LRMDA: variants seen among roughly 807,000 people sequenced by gnomAD.
LRMDA encodes leucine rich melanocyte differentiation associated.
LRMDA carries 18 observed loss-of-function variants against 29.8 expected under a neutral mutation model. The observed-to-expected ratio is 0.60, with a 90% CI of 0.42 to 0.90. LRMDA has a LOEUF of 0.90. Ranked by LOEUF, LRMDA falls within the 40% of genes least tolerant of loss-of-function variation. The pLI is 0.00. For missense variants in LRMDA, 273 were observed against 273.9 expected (o/e 1.00, Z 0.02); for synonymous variants, 125 against 109.4 (o/e 1.14, Z -0.89).
chr10:76,216,035 C>T (rs983220739), intron 5 of LRMDA, among the ~76,000 whole-genome samples: 4 of 152,122 alleles, frequency 2.6e-5, no homozygotes, highest in Non-Finnish European at 5.9e-5. Context: ...AAGAAACTTG[C>T]TCATCAAAAA....
At chr10:75,749,816 G>C (rs1352677317) in intron 2 of LRMDA, among the ~76,000 whole-genome samples, 1 of 151,950 alleles carries the variant, frequency 6.6e-6, no homozygotes, top group African/African-American at 2.4e-5. Flanking sequence ...TTGAGATTAG[G>C]GAGTGGTGAT....
intron 6 of LRMDA, among the ~76,000 whole-genome samples, chr10:76,354,775 T>C (rs963039820): frequency 6.6e-6 from 1 of 152,224 alleles, no homozygotes; most frequent in African/African-American, 2.4e-5. Flanking sequence ...ACCAGGGTAT[T>C]TGTGATATTT....
chr10:75,619,654 C>G (rs1841155032), intron 2 of LRMDA, among the ~76,000 whole-genome samples: 1 of 152,168 alleles, frequency 6.6e-6, no homozygotes, highest in Non-Finnish European at 1.5e-5. Context: ...CGCAGTCTCT[C>G]TCTTCTGAAG....
intron 5 of LRMDA, among the ~76,000 whole-genome samples, chr10:76,253,482 GGAGA>G (rs148122483): frequency 6.7e-6 from 1 of 149,984 alleles, no homozygotes; most frequent in Non-Finnish European, 1.5e-5. Context: ...AGGCAGGGAG[GGAGA>G]GAGAGAGAGA....
chr10:76,258,831 G>A (rs897677373), intron 5 of LRMDA, among the ~76,000 whole-genome samples: 1 of 152,110 alleles, frequency 6.6e-6, no homozygotes, highest in African/African-American at 2.4e-5. Flanking sequence ...TCCATTGTGT[G>A]TATATATATC....
At chr10:76,553,747 TCA>T (rs1298578445) in intron 6 of LRMDA, among the ~76,000 whole-genome samples, 1 of 152,164 alleles carries the variant, frequency 6.6e-6, no homozygotes, top group Non-Finnish European at 1.5e-5. Context: ...GGGAGGAGAC[TCA>T]CAGAGGCAAT....
intron 2 of LRMDA, among the ~76,000 whole-genome samples, chr10:75,828,834 A>G (rs1447167648): frequency 6.6e-6 from 1 of 152,138 alleles, no homozygotes; most frequent in Non-Finnish European, 1.5e-5. Context: ...GTCCTCTTGA[A>G]TCTCTTTTTA....
intron 2 of LRMDA, among the ~76,000 whole-genome samples, chr10:75,960,642 C>T (rs1281672371): frequency 6.6e-6 from 1 of 152,106 alleles, no homozygotes; most frequent in African/African-American, 2.4e-5. Context: ...GAGATAGAGT[C>T]TCACTCTGTT....
chr10:76,331,799 A>C (rs995838957), intron 6 of LRMDA, among the ~76,000 whole-genome samples: 25 of 152,174 alleles, frequency 1.6e-4, no homozygotes, highest in African/African-American at 5.5e-4. Context: ...TCTTTCCTTC[A>C]TAATGCTTTT....
chr10:75,632,637 CT>C (rs1406175744), intron 2 of LRMDA, among the ~76,000 whole-genome samples: 1 of 151,990 alleles, frequency 6.6e-6, no homozygotes, highest in Non-Finnish European at 1.5e-5. Context: ...ATCAGATTTT[CT>C]TTTTTTCCCT....
At chr10:75,627,774 A>G (rs1589139388) in intron 2 of LRMDA, among the ~76,000 whole-genome samples, 1 of 152,332 alleles carries the variant, frequency 6.6e-6, no homozygotes, top group East Asian at 1.9e-4. Flanking sequence ...CAATCTGGGG[A>G]AGATATGAAC....
chr10:76,533,518 G>C (rs17467552), intron 6 of LRMDA, among the ~76,000 whole-genome samples: 1 of 151,970 alleles, frequency 6.6e-6, no homozygotes, highest in African/African-American at 2.4e-5. Context: ...ACAACTTGCT[G>C]TCATTCAGGA....
rs1287783071 is a variant in LRMDA at position 75,602,332 on chromosome 10, TA to T, written c.131+163839del. 7.2e-5 allele frequency among the ~76,000 whole-genome samples: 11 copies of T among 152,326 alleles called. No individual in the cohort carries two copies. The East Asian group carries it at 1.9e-3, about 27-fold the overall frequency. On this transcript the variant is annotated intron_variant, in intron 2 of 6. Coordinates refer to ENST00000611255, the MANE Select transcript of LRMDA (RefSeq NM_001305581.2). ...TTAAAAGGGAAGGGATGGGATAGCA[TA>T]TGGACTGAATAAACTTCAAATTTTC...
chr10:76,348,414 G>A (rs1272033993), intron 6 of LRMDA, among the ~76,000 whole-genome samples: 1 of 152,196 alleles, frequency 6.6e-6, no homozygotes, highest in African/African-American at 2.4e-5. Context: ...CAACCATAAA[G>A]TAAAAGTGCT....
intron 2 of LRMDA, among the ~76,000 whole-genome samples, chr10:75,959,626 G>A (rs1019019153): frequency 6.6e-6 from 1 of 152,072 alleles, no homozygotes; most frequent in South Asian, 2.1e-4. Context: ...TAGTTTAGAA[G>A]GCCTCTACGA....
intron 6 of LRMDA, among the ~76,000 whole-genome samples, chr10:76,336,282 C>T (rs903184411): frequency 1.3e-5 from 2 of 152,186 alleles, no homozygotes; most frequent in African/African-American, 2.4e-5. Flanking sequence ...CAGGGTTTCA[C>T]CTTGACCCTC....
At chr10:76,234,915 TATC>T (rs534811426) in intron 5 of LRMDA, among the ~76,000 whole-genome samples, 129 of 152,348 alleles carry the variant, frequency 8.5e-4, no homozygotes, top group Non-Finnish European at 1.5e-3. Context: ...TTCACTTTCT[TATC>T]ATTCATGTGC....
At chr10:75,787,646 G>T (rs1843495029) in intron 2 of LRMDA, among the ~76,000 whole-genome samples, 1 of 152,156 alleles carries the variant, frequency 6.6e-6, no homozygotes, top group Non-Finnish European at 1.5e-5. Context: ...AACAATGCTG[G>T]AATAAAACAT....
At chr10:76,420,581 A>AT (rs943574856) in intron 6 of LRMDA, among the ~76,000 whole-genome samples, 3 of 151,178 alleles carry the variant, frequency 2.0e-5, no homozygotes, top group African/African-American at 7.3e-5. Flanking sequence ...TGTTGGTTTT[A>AT]TTTTCTGTTC....
Sources: gnomAD v4.1 joint callset for allele counts (sites outside exome capture counted in the v4.1 genomes callset) on GRCh38, gnomAD v4.1.1 for gene constraint, MANE v1.5 for transcripts, NCBI Gene and HGNC (gene_info 2026-07-23, HGNC 2026-07-21) for gene names.